Variants in RPAIN observed in about 807,000 individuals in gnomAD.
The protein encoded by RPAIN is RPA-interacting protein.
In RPAIN, 29 loss-of-function variants were observed where a neutral mutation model predicts 30.5. The ratio of observed to expected loss-of-function variants is 0.95; its 90% CI spans 0.71 to 1.30. The LOEUF is 1.30. Ranked by LOEUF, RPAIN falls within the 50% of genes most tolerant of loss-of-function variation. The pLI is 0.00. For synonymous variants in RPAIN, 101 were observed against 93.5 expected (o/e 1.08, Z -0.46); for missense variants, 247 against 264.7 (o/e 0.93, Z 0.46).
intron 6 of RPAIN, chr17:5,429,256 A>G: frequency 1.0e-6 from 1 of 985,444 alleles, no homozygotes; most frequent in Non-Finnish European, 1.2e-6. Context: ...CTTGGCCTTG[A>G]AGCATGGAAT....
intron 3 of RPAIN, 70 bp from the exon 4 acceptor site, chr17:5,425,901 G>A: frequency 1.0e-6 from 1 of 981,426 alleles, no homozygotes; most frequent in Admixed American, 2.1e-5. Flanking sequence ...GCCTTTGACA[G>A]TGAAGTTTAG....
In RPAIN at chr17:5,422,812, A is replaced by C; in HGVS notation, c.296A>C (p.Gln99Pro). 1 of 1,612,976 alleles carries C rather than the reference A, an allele frequency of 6.2e-7. No individual in the cohort carries two copies. Among genetic ancestry groups the C allele is most frequent in the African/African-American group, 1.3e-5 (1 of 75,042 alleles). ...IDMAVLEEIQ[Q>P]ELINQEQSII... ...ATGGCTGTGCTGGAGGAAATTCAAC[A>C]GGAGCTGATCAACCAAGGTAACCCC... Residue 99 changes from glutamine (Q) to proline (P), a missense_variant, in exon 3 of 7, where the codon CAG (glutamine) becomes CCG (proline). By Grantham distance (76) the Gln-to-Pro change is moderately conservative. Transcript: ENST00000381209.
At chr17:5,431,471 C>G (rs537392575) in intron 6 of RPAIN, 2 of 393,714 alleles carry the variant, frequency 5.1e-6, no homozygotes, top group East Asian at 1.7e-4. Flanking sequence ...TGGGTGACAG[C>G]GAGATTGTGC....
At chr17:5,432,180 G>GTCGCCGTATCATTAA in intron 6 of RPAIN, 1 of 250,116 alleles carries the variant, frequency 4.0e-6, no homozygotes. Flanking sequence ...TGTAGATTTG[G>GTCGCCGTATCATTAA]AGTCTCATCT....
At chr17:5,423,045 A>G in intron 3 of RPAIN, 1 of 453,924 alleles carries the variant, frequency 2.2e-6, no homozygotes, top group Admixed American at 3.7e-5. Flanking sequence ...TTCTCATTTA[A>G]TGATGCTGTT....
rs527907326 is a variant in RPAIN at position 5,421,483 on chromosome 17, T to C, written c.252+17T>C. On this transcript the variant is annotated intron_variant, in intron 2 of 6. Coordinates refer to ENST00000381209, the MANE Select transcript of RPAIN (RefSeq NM_001033002.4). ...TTGGCTCAGGTCAGGCTGGGCTATG[T>C]GTTTTCAGGGAGGGGGACTGCACCA... 1.8e-5 allele frequency: 29 copies of C among 1,611,920 alleles called. No homozygotes were observed. In the East Asian group the frequency reaches 6.0e-4, roughly 33 times the overall value.
At chr17:5,421,027 G>C (rs555703218) in intron 1 of RPAIN, among the ~76,000 whole-genome samples, 1 of 152,172 alleles carries the variant, frequency 6.6e-6, no homozygotes, top group Non-Finnish European at 1.5e-5. Flanking sequence ...TTCTGTAATA[G>C]GACATTGGAT....
chr17:5,426,192 G>A, intron 4 of RPAIN, 44 bp from the exon 5 acceptor site: 9 of 1,601,582 alleles, frequency 5.6e-6, no homozygotes, highest in Non-Finnish European at 7.7e-6. Flanking sequence ...TGGAGATCCA[G>A]GTCTGGTGGC....
intron 1 of RPAIN, 125 bp downstream of exon 1, chr17:5,420,416 G>A (rs1914638834): frequency 4.0e-6 from 3 of 752,558 alleles, no homozygotes; most frequent in African/African-American, 3.5e-5. Context: ...GTCAAACCCA[G>A]GCCTGCTGAC....
chr17:5,428,074 T>C lies in RPAIN; in HGVS notation c.493T>C (p.Ser165Pro). Residue 165 changes from serine to proline, a missense_variant, in exon 6 of 7, where the codon TCT (serine) becomes CCT (proline). By Grantham distance (74) the Ser-to-Pro change is moderately conservative (BLOSUM62 -1). Transcript: ENST00000381209. ...GTTGAACTTTTTTATTTTGTAGTCT[T>C]CTGAGTTGACAGAGCAGAAGCTTCG... ...QCGLSIPSHSSELTEQKLRAC... is the reference protein window; with the variant it reads ...QCGLSIPSHSPELTEQKLRAC... 6.2e-7 allele frequency: 1 copy of C among 1,614,164 alleles called. No homozygotes were observed. Among genetic ancestry groups the C allele is most frequent in the Non-Finnish European group, 8.5e-7 (1 of 1,180,030 alleles).
At chr17:5,431,661 G>T in intron 6 of RPAIN, 1 of 456,286 alleles carries the variant, frequency 2.2e-6, no homozygotes, top group Non-Finnish European at 4.4e-6. Flanking sequence ...ACGTAGGGAC[G>T]CTCAGGACAG....
intron 2 of RPAIN, 98 bp downstream of exon 2, chr17:5,421,564 A>G (rs912886106): frequency 4.6e-6 from 5 of 1,084,634 alleles, no homozygotes; most frequent in African/African-American, 1.6e-5. Flanking sequence ...TAAACCCACC[A>G]TTCCCCTAAC....
chr17:5,427,830 A>G (rs974981584), intron 5 of RPAIN: 15 of 528,074 alleles, frequency 2.8e-5, no homozygotes, highest in African/African-American at 2.5e-4. Context: ...TCTTCCTGCC[A>G]TGAGTGGCCA....
At position 5,428,116 on chromosome 17, in the gene RPAIN, A is replaced by G. The variant is rs569902822; in HGVS notation, c.535A>G (p.Ser179Gly). ...GAAGCTTCGTGCCTGTTTAGAGGGTAGTATAAATGAGCACAGTGCACATTG... is the reference window on the plus strand; with the variant it reads ...GAAGCTTCGTGCCTGTTTAGAGGGTGGTATAAATGAGCACAGTGCACATTG... Reference protein sequence around the residue: ...EQKLRACLEGSINEHSAHCPH... With the variant: ...EQKLRACLEGGINEHSAHCPH... Residue 179 changes from serine (S) to glycine (G), a missense_variant, in exon 6 of 7, where the codon AGT becomes GGT. Ser to Gly is a moderately conservative substitution (Grantham distance 56). Transcript: ENST00000381209. The G allele has an allele frequency of 1.2e-6, 2 of 1,614,144 alleles. No homozygotes were observed. The highest frequency in any genetic ancestry group is 2.2e-5 in the East Asian group (1 of 44,880).
chr17:5,424,521 A>G (rs768839619), intron 3 of RPAIN, among the ~76,000 whole-genome samples: 4 of 152,204 alleles, frequency 2.6e-5, no homozygotes, highest in Non-Finnish European at 4.4e-5. Flanking sequence ...GACTTAGTGC[A>G]TTGTCTGGCA....
intron 3 of RPAIN, chr17:5,425,339 CTTT>C (rs758229337): frequency 3.1e-4 from 129 of 421,784 alleles, no homozygotes; most frequent in Admixed American, 4.0e-4. Context: ...TCAGTTCTCT[CTTT>C]TTTTTTTTTT....
rs1194868142 is a variant in RPAIN at position 5,428,075 on chromosome 17, C to CT, written c.495dup (p.Glu166Ter). 1 of 1,614,130 alleles carries CT rather than the reference C, an allele frequency of 6.2e-7. No homozygotes were observed. Among genetic ancestry groups the CT allele is most frequent in the South Asian group, 1.1e-5 (1 of 91,074 alleles). ...TTGAACTTTTTTATTTTGTAGTCTT[C>CT]TGAGTTGACAGAGCAGAAGCTTCGT... On this transcript the variant is annotated frameshift_variant, in exon 6 of 7. Coordinates refer to ENST00000381209, the MANE Select transcript of RPAIN (RefSeq NM_001033002.4). LOFTEE classifies it high-confidence loss of function.
At chr17:5,428,607 T>G in intron 6 of RPAIN, 1 of 972,296 alleles carries the variant, frequency 1.0e-6, no homozygotes, top group African/African-American at 1.7e-5. Flanking sequence ...TGTCTGTCAG[T>G]GGAGTTTTTA....
At chr17:5,422,952 G>A (rs1244724062) in intron 3 of RPAIN, 123 bp downstream of exon 3, 5 of 735,440 alleles carry the variant, frequency 6.8e-6, no homozygotes. Context: ...GTGTCCAAAA[G>A]ACTCCTTTTG....
Sources: allele counts gnomAD v4.1 joint callset (sites outside exome capture counted in the v4.1 genomes callset), GRCh38; gene constraint gnomAD v4.1.1; transcripts MANE v1.5; gene names NCBI Gene and HGNC (gene_info 2026-07-23, HGNC 2026-07-21).